Variants in SYT1 observed in about 807,000 individuals in gnomAD.
The protein encoded by SYT1 is synaptotagmin-1.
A neutral mutation model predicts 44.8 loss-of-function variants in SYT1; 8 were observed. The observed-to-expected ratio is 0.18, with a 90% confidence interval of 0.10 to 0.32. SYT1 has a LOEUF of 0.32. Among genes scored for constraint, SYT1 ranks in the 10% least tolerant of loss-of-function variants. The pLI is 1.00. For missense variants in SYT1, 286 were observed against 509.3 expected, an observed-to-expected ratio of 0.56 and a Z score of 4.22; for synonymous variants, 154 against 188.8, an observed-to-expected ratio of 0.82 and a Z score of 1.51.
rs547201366 is a variant in SYT1, at chr12:79,080,648, G to T, written c.-18+33286G>T. ...AGGCTAAATATCACAAGCAAAAATT[G>T]ATGAGAATGTACTGGCTCCAATATA... On this transcript the variant is annotated intron_variant, in intron 3 of 10. Coordinates refer to ENST00000261205, the MANE Select transcript of SYT1 (RefSeq NM_005639.3). 3.3e-5 allele frequency among the ~76,000 whole-genome samples: 5 copies of T among 152,222 alleles called. No individual in the cohort carries two copies. The East Asian group carries it at 9.6e-4, about 29-fold the overall frequency.
intron 4 of SYT1, among the ~76,000 whole-genome samples, chr12:79,240,286 C>T (rs532201721): frequency 1.3e-5 from 2 of 152,208 alleles, no homozygotes; most frequent in African/African-American, 4.8e-5. Flanking sequence ...TGGCACTACT[C>T]TATTTTTTAC....
intron 2 of SYT1, among the ~76,000 whole-genome samples, chr12:79,038,178 TAC>T (rs1188910217): frequency 3.5e-5 from 5 of 142,568 alleles, no homozygotes; most frequent in Admixed American, 7.0e-5. Flanking sequence ...TATATATATA[TAC>T]ACACACACAT....
At chr12:79,055,699 T>C (rs901001428) in intron 3 of SYT1, among the ~76,000 whole-genome samples, 3 of 152,056 alleles carry the variant, frequency 2.0e-5, no homozygotes, top group African/African-American at 7.2e-5. Context: ...ACGTTTCATA[T>C]GAGAATAATG....
intron 3 of SYT1, among the ~76,000 whole-genome samples, chr12:79,211,286 TC>T (rs1264810067): frequency 6.6e-6 from 1 of 152,308 alleles, no homozygotes; most frequent in African/African-American, 2.4e-5. Flanking sequence ...ATTTTATAGA[TC>T]ATTATAATTA....
chr12:79,240,892 G>A (rs1240258699), intron 4 of SYT1, among the ~76,000 whole-genome samples: 2 of 152,136 alleles, frequency 1.3e-5, no homozygotes, highest in Non-Finnish European at 2.9e-5. Flanking sequence ...AAAAGAAAGG[G>A]CTGGGCACAA....
chr12:79,030,888 T>A lies in SYT1; in HGVS notation c.-83-16409T>A, dbSNP rs547945196. Reference sequence around the variant, plus strand: ...ACATTGTCTTTAAATAATGATGACATTTAGATGAGATGGGTTGAGTTCTCC... The same window carrying A: ...ACATTGTCTTTAAATAATGATGACAATTAGATGAGATGGGTTGAGTTCTCC... On this transcript the variant is annotated intron_variant, in intron 2 of 10. Coordinates refer to ENST00000261205, the MANE Select transcript of SYT1 (RefSeq NM_005639.3). 4.0e-5 allele frequency among the ~76,000 whole-genome samples: 6 copies of A among 151,088 alleles called. No homozygotes were observed. The East Asian group carries it at 1.2e-3, about 29-fold the overall frequency.
chr12:78,957,217 C>T (rs1292438747), intron 1 of SYT1, among the ~76,000 whole-genome samples: 1 of 152,080 alleles, frequency 6.6e-6, no homozygotes, highest in Non-Finnish European at 1.5e-5. Context: ...GCCTGAAATC[C>T]CAGCCCTTTG....
chr12:78,928,740 A>G (rs1421948681), intron 1 of SYT1, among the ~76,000 whole-genome samples: 1 of 152,192 alleles, frequency 6.6e-6, no homozygotes, highest in East Asian at 1.9e-4. Flanking sequence ...CTGGGCCTGT[A>G]GGAGCAGGAT....
chr12:78,987,398 G>A (rs781226727), intron 2 of SYT1, among the ~76,000 whole-genome samples: 2 of 151,982 alleles, frequency 1.3e-5, no homozygotes, highest in Non-Finnish European at 2.9e-5. Flanking sequence ...AAAAGACCTC[G>A]CAGGCTATGC....
At chr12:78,870,510 A>G (rs1014580977) in intron 1 of SYT1, among the ~76,000 whole-genome samples, 1 of 152,256 alleles carries the variant, frequency 6.6e-6, no homozygotes, top group East Asian at 1.9e-4. Flanking sequence ...GATAAAATGC[A>G]CATATGCACT....
At chr12:78,908,549 G>C (rs1460017009) in intron 1 of SYT1, among the ~76,000 whole-genome samples, 2 of 151,802 alleles carry the variant, frequency 1.3e-5, no homozygotes, top group Non-Finnish European at 2.9e-5. Context: ...TCTTAGAGCA[G>C]AATCTGTGTC....
At chr12:79,062,258 T>C (rs1875446468) in intron 3 of SYT1, among the ~76,000 whole-genome samples, 1 of 152,176 alleles carries the variant, frequency 6.6e-6, no homozygotes, top group African/African-American at 2.4e-5. Flanking sequence ...TAATACAGTT[T>C]TGTGTTTTGC....
At chr12:79,188,968 A>G (rs377510553) in intron 3 of SYT1, among the ~76,000 whole-genome samples, 1 of 139,532 alleles carries the variant, frequency 7.2e-6, no homozygotes, top group Admixed American at 7.3e-5. Context: ...ATTTTTTTTT[A>G]TCTTGATGCT....
At chr12:79,308,644 G>GAA in intron 8 of SYT1, among the ~76,000 whole-genome samples, 1 of 105,038 alleles carries the variant, frequency 9.5e-6, no homozygotes, top group East Asian at 2.6e-4. Context: ...AAGAAAGAAA[G>GAA]AAAGAAAGAA....
intron 4 of SYT1, among the ~76,000 whole-genome samples, chr12:79,257,972 C>T (rs773393332): frequency 1.3e-5 from 2 of 152,088 alleles, no homozygotes; most frequent in Non-Finnish European, 2.9e-5. Context: ...CATCTGAATT[C>T]TCCCTTCTGA....
chr12:79,427,607 A>C (rs933579384), intron 9 of SYT1, among the ~76,000 whole-genome samples: 4 of 152,216 alleles, frequency 2.6e-5, no homozygotes, highest in Non-Finnish European at 5.9e-5. Context: ...TTTTATAAGA[A>C]TTATGAAAGT....
chr12:79,015,603 C>G (rs962025396), intron 2 of SYT1, among the ~76,000 whole-genome samples: 8 of 152,038 alleles, frequency 5.3e-5, no homozygotes, highest in Admixed American at 5.2e-4. Flanking sequence ...AGATATGCAG[C>G]CAGAATATTT....
intron 4 of SYT1, among the ~76,000 whole-genome samples, chr12:79,230,544 TG>T (rs139566965): frequency 0.015 from 2,283 of 152,288 alleles, 39 homozygotes; most frequent in African/African-American, 0.046. Context: ...TGTTATGAAC[TG>T]GGGTAATACT....
intron 1 of SYT1, among the ~76,000 whole-genome samples, chr12:78,900,696 A>G (rs554229719): frequency 6.6e-6 from 1 of 152,250 alleles, no homozygotes; most frequent in Non-Finnish European, 1.5e-5. Context: ...CTTGTAGGCC[A>G]TGGAAAGAAC....
Sources: gnomAD v4.1 joint callset for allele counts (sites outside exome capture counted in the v4.1 genomes callset) on GRCh38, gnomAD v4.1.1 for gene constraint, MANE v1.5 for transcripts, NCBI Gene and HGNC (gene_info 2026-07-23, HGNC 2026-07-21) for gene names.